The following SLC8A1 variants were observed in gnomAD, a reference collection of about 807,000 sequenced individuals.
The protein encoded by SLC8A1 is sodium/calcium exchanger 1.
Under a neutral mutation model 68.3 loss-of-function variants are expected in SLC8A1, and 18 were observed. The ratio of observed to expected loss-of-function variants is 0.26; its 90% CI spans 0.18 to 0.39. The LOEUF (loss-of-function observed/expected upper bound fraction) is 0.39, where lower values mean the gene tolerates loss of function less well. Among genes scored for constraint, SLC8A1 ranks in the 10% least tolerant of loss-of-function variants. SLC8A1 has a pLI of 1.00. For synonymous variants in SLC8A1, 475 were observed against 415.5 expected (o/e 1.14, Z -1.74); for missense variants, 985 against 1,156.7 (o/e 0.85, Z 2.15).
intron 2 of SLC8A1, among the ~76,000 whole-genome samples, chr2:40,370,490 T>C (rs1210552055): frequency 6.6e-6 from 1 of 152,104 alleles, no homozygotes; most frequent in East Asian, 1.9e-4. Context: ...CTTTGCTTTT[T>C]CTCATGTAAT....
intron 6 of SLC8A1, among the ~76,000 whole-genome samples, chr2:40,148,082 A>C (rs757006548): frequency 1.5e-4 from 23 of 152,202 alleles, no homozygotes; most frequent in Admixed American, 1.3e-4. Flanking sequence ...ATTCTGATAA[A>C]ATGTAAGCTC....
chr2:40,182,389 G>A (rs1347890994), intron 2 of SLC8A1, among the ~76,000 whole-genome samples: 1 of 151,966 alleles, frequency 6.6e-6, no homozygotes, highest in African/African-American at 2.4e-5. Context: ...GTGGTTTCTG[G>A]AAACTAGCAA....
exon 8 of SLC8A1, chr2:40,111,653 T>C (rs2034557444): frequency 6.6e-6 from 1 of 152,196 alleles, no homozygotes; most frequent in Admixed American, 6.5e-5. Flanking sequence ...CTGACATCAC[T>C]TCCTTCTATA....
chr2:40,475,224 C>T (rs1477101427), intron 1 of SLC8A1, among the ~76,000 whole-genome samples: 1 of 152,106 alleles, frequency 6.6e-6, no homozygotes, highest in Non-Finnish European at 1.5e-5. Context: ...AGCTCCGTCT[C>T]CCGGGTTCAC....
chr2:40,133,201 C>T (rs912260375), intron 7 of SLC8A1, among the ~76,000 whole-genome samples: 1 of 152,100 alleles, frequency 6.6e-6, no homozygotes, highest in Non-Finnish European at 1.5e-5. Context: ...AGCTCTTGTC[C>T]CTCTACCCTC....
intron 7 of SLC8A1, among the ~76,000 whole-genome samples, chr2:40,132,983 A>G (rs1424427596): frequency 6.6e-6 from 1 of 152,210 alleles, no homozygotes; most frequent in African/African-American, 2.4e-5. Context: ...ATCTCAGTGT[A>G]AATAATGATA....
At chr2:40,382,256 G>A (rs911629710) in intron 2 of SLC8A1, among the ~76,000 whole-genome samples, 4 of 152,098 alleles carry the variant, frequency 2.6e-5, no homozygotes, top group Non-Finnish European at 5.9e-5. Flanking sequence ...CATAACAGTA[G>A]AAGTTCTCCT....
intron 2 of SLC8A1, among the ~76,000 whole-genome samples, chr2:40,318,642 T>A (rs983221633): frequency 2.0e-5 from 3 of 152,026 alleles, no homozygotes; most frequent in African/African-American, 7.2e-5. Flanking sequence ...ATGTAGACCG[T>A]TGCTGTCTAA....
chr2:40,304,260 T>G (rs921322329), intron 2 of SLC8A1, among the ~76,000 whole-genome samples: 1 of 152,180 alleles, frequency 6.6e-6, no homozygotes, highest in Non-Finnish European at 1.5e-5. Context: ...CCCTTTTAAT[T>G]AGAGTTTTAG....
At chr2:40,154,488 T>TTTTTTTTTTTTTG (rs2044082259) in intron 6 of SLC8A1, among the ~76,000 whole-genome samples, 1 of 138,936 alleles carries the variant, frequency 7.2e-6, no homozygotes, top group African/African-American at 2.6e-5. Context: ...TCTTTTCTTT[T>TTTTTTTTTTTTTG]TTTTTTTTTT....
chr2:40,346,047 TAAAAAAAAAAA>T (rs774555210), intron 2 of SLC8A1, among the ~76,000 whole-genome samples: 4 of 41,696 alleles, frequency 9.6e-5, no homozygotes, highest in Admixed American at 9.2e-4. Flanking sequence ...ACATTAACAG[TAAAAAAAAAAA>T]AAAAAAAAAA....
chr2:40,342,094 G>C (rs1315433949), intron 2 of SLC8A1, among the ~76,000 whole-genome samples: 1 of 152,128 alleles, frequency 6.6e-6, no homozygotes, highest in African/African-American at 2.4e-5. Flanking sequence ...ACAGGTCCAA[G>C]AGTTAGTAAA....
chr2:40,309,799 C>T (rs2073353837), intron 2 of SLC8A1, among the ~76,000 whole-genome samples: 1 of 152,124 alleles, frequency 6.6e-6, no homozygotes, highest in African/African-American at 2.4e-5. Context: ...CTATCGTTCC[C>T]ATCCTAACCA....
chr2:40,248,385 A>C (rs1336247857), intron 2 of SLC8A1, among the ~76,000 whole-genome samples: 2 of 152,138 alleles, frequency 1.3e-5, no homozygotes, highest in Middle Eastern at 3.2e-3. Context: ...GAGTGAGGTT[A>C]GTGCCCTTAT....
At chr2:40,349,820 G>A (rs1007608586) in intron 2 of SLC8A1, among the ~76,000 whole-genome samples, 5 of 151,932 alleles carry the variant, frequency 3.3e-5, no homozygotes, top group African/African-American at 1.2e-4. Flanking sequence ...AAAAACTTAA[G>A]ATTAATTCAC....
chr2:40,382,707 A>G (rs939653604), intron 2 of SLC8A1, among the ~76,000 whole-genome samples: 1 of 152,150 alleles, frequency 6.6e-6, no homozygotes, highest in African/African-American at 2.4e-5. Context: ...AGCAAATAAG[A>G]AAACACAAAT....
intron 2 of SLC8A1, among the ~76,000 whole-genome samples, chr2:40,307,873 G>A (rs1442583217): frequency 6.6e-6 from 1 of 152,116 alleles, no homozygotes; most frequent in Non-Finnish European, 1.5e-5. Context: ...TATACAGGAA[G>A]CACTGATTTT....
intron 2 of SLC8A1, among the ~76,000 whole-genome samples, chr2:40,212,281 A>ATTTTTTTT (rs371395367): frequency 8.5e-6 from 1 of 118,240 alleles, no homozygotes; most frequent in Non-Finnish European, 1.8e-5. Context: ...GAGATGCAAT[A>ATTTTTTTT]TCTTTTTTTT....
intron 2 of SLC8A1, among the ~76,000 whole-genome samples, chr2:40,273,030 C>T (rs1358658929): frequency 6.6e-6 from 1 of 152,188 alleles, no homozygotes; most frequent in South Asian, 2.1e-4. Context: ...GCAACCTCCA[C>T]CTCCCAGGTT....
Sources: gnomAD v4.1 joint callset for allele counts (sites outside exome capture counted in the v4.1 genomes callset) on GRCh38, gnomAD v4.1.1 for gene constraint, MANE v1.5 for transcripts, NCBI Gene and HGNC (gene_info 2026-07-23, HGNC 2026-07-21) for gene names.